Variants in FRY observed in about 807,000 individuals in gnomAD.
FRY encodes FRY microtubule binding protein.
A neutral mutation model predicts 348.4 loss-of-function variants in FRY; 128 were observed. That is an observed-to-expected ratio of 0.37 (90% confidence interval 0.32 to 0.43). The LOEUF is 0.43. FRY is among the 20% of genes least tolerant of loss of function. The pLI is 1.00. For missense variants in FRY, 2,736 were observed against 3,695.2 expected (o/e 0.74, Z 6.73); for synonymous variants, 1,370 against 1,374.7 (o/e 1.00, Z 0.08).
At chr13:32,247,299 C>A (rs763664704) in intron 47 of FRY, 24 bp from the exon 48 acceptor site, 1 of 1,585,740 alleles carries the variant, frequency 6.3e-7, no homozygotes, top group South Asian at 1.1e-5. Context: ...TATTTTTAAC[C>A]CTTGAATGTT....
intron 53 of FRY, among the ~76,000 whole-genome samples, chr13:32,263,992 G>A (rs996449222): frequency 6.6e-5 from 10 of 152,096 alleles, no homozygotes; most frequent in African/African-American, 2.4e-4. Context: ...GGGCGACAGA[G>A]CGAGACTCCA....
At chr13:32,164,922 A>G (rs1002731010) in intron 17 of FRY, among the ~76,000 whole-genome samples, 3 of 152,210 alleles carry the variant, frequency 2.0e-5, no homozygotes, top group African/African-American at 4.8e-5. Flanking sequence ...AGTGCTTTGC[A>G]TGCACCAAGG....
chr13:32,140,900 C>G (rs1174298726), intron 11 of FRY, among the ~76,000 whole-genome samples: 1 of 151,992 alleles, frequency 6.6e-6, no homozygotes, highest in Admixed American at 6.6e-5. Context: ...ATTAAGGATT[C>G]CACAATCATT....
intron 1 of FRY, among the ~76,000 whole-genome samples, chr13:32,038,060 T>A (rs527272442): frequency 2.0e-5 from 3 of 152,232 alleles, no homozygotes; most frequent in Non-Finnish European, 4.4e-5. Context: ...ACACATTACC[T>A]CATTTGACGA....
At chr13:32,236,207 T>C (rs1470721563) in intron 43 of FRY, 35 bp downstream of exon 43, 1 of 1,388,568 alleles carries the variant, frequency 7.2e-7, no homozygotes, top group African/African-American at 1.4e-5. Flanking sequence ...TGACATCAAG[T>C]ATACTGCACA....
chr13:32,084,889 A>AACAC lies in FRY; in HGVS notation c.270+5878_270+5881dup, dbSNP rs5802632. On this transcript the variant is annotated intron_variant, in intron 2 of 60. Transcript: ENST00000542859. ...GCATCTTGACACATACACACATGCA[A>AACAC]ACACACACACACACACACACACACA... 5.9e-3 allele frequency among the ~76,000 whole-genome samples: 880 copies of AACAC among 149,790 alleles called. 11 individuals are homozygous for AACAC. The highest frequency in any genetic ancestry group is 0.02 in the African/African-American group (796 of 40,674).
chr13:32,059,376 T>C (rs1220461230), intron 1 of FRY, among the ~76,000 whole-genome samples: 2 of 148,164 alleles, frequency 1.3e-5, no homozygotes, highest in African/African-American at 5.0e-5. Flanking sequence ...TGACCACTTT[T>C]GACAGAATTA....
At position 32,179,800 on chromosome 13, in the gene FRY, G is replaced by A; in HGVS notation, c.2996+1G>A. The A allele has an allele frequency of 6.2e-7, 1 of 1,613,172 alleles. No individual in the cohort carries two copies. Among genetic ancestry groups the A allele is most frequent in the Non-Finnish European group, 8.5e-7 (1 of 1,179,162 alleles). On this transcript the variant is annotated splice_donor_variant, in intron 23 of 60. Coordinates refer to ENST00000542859, the MANE Select transcript of FRY (RefSeq NM_023037.3). LOFTEE classifies it high-confidence loss of function. ...GAAGAACAAATTCCCTTGTTTTCAG[G>A]TACAGTAGTCTTAATGAGTTGTTCT...
chr13:32,217,457 T>C (rs1376673002), intron 35 of FRY, among the ~76,000 whole-genome samples: 1 of 152,196 alleles, frequency 6.6e-6, no homozygotes, highest in Non-Finnish European at 1.5e-5. Context: ...GACAGTGTCT[T>C]GCAGTTTTGG....
At chr13:32,232,562 C>T (rs1223663030) in intron 41 of FRY, among the ~76,000 whole-genome samples, 1 of 152,216 alleles carries the variant, frequency 6.6e-6, no homozygotes, top group Admixed American at 6.5e-5. Flanking sequence ...GCTTCAGGAC[C>T]CTCCAGCCTG....
At chr13:32,052,557 C>A (rs1355003689) in intron 1 of FRY, among the ~76,000 whole-genome samples, 2 of 152,144 alleles carry the variant, frequency 1.3e-5, no homozygotes, top group African/African-American at 4.8e-5. Context: ...AACATGTAAT[C>A]AGCATAACTA....
intron 3 of FRY, among the ~76,000 whole-genome samples, chr13:32,105,888 C>T (rs1342700876): frequency 1.3e-5 from 2 of 151,856 alleles, no homozygotes; most frequent in African/African-American, 4.8e-5. Context: ...GCCCTTTTTA[C>T]TCCTCTACCT....
At position 32,184,629 on chromosome 13, in the gene FRY, G is replaced by C. The variant is rs1423652803; in HGVS notation, c.3084G>C (p.Leu1028Phe). 9.3e-6 allele frequency: 15 copies of C among 1,613,536 alleles called. No individual in the cohort carries two copies. Among genetic ancestry groups the C allele is most frequent in the Non-Finnish European group, 1.3e-5 (15 of 1,179,512 alleles). The change falls in exon 25 of 61, where the codon TTG becomes TTC. Residue 1028 changes from leucine to phenylalanine, a missense_variant. By Grantham distance (22) the Leu-to-Phe change is conservative. Around this residue, in one of 9 missense-constraint regions of FRY, gnomAD observed 449 missense variants for 576.9 expected, o/e 0.78. Transcript: ENST00000542859. ...ENKKRRERRD[L>F]LRLQLLRIFE... The stretch of plus-strand genomic sequence containing the variant: ...AGAAACGCCGAGAACGGCGAGACTT[G>C]TTAAGGCTACAACTACTTCGAATTT...
chr13:32,248,826 A>G (rs1886932355), intron 48 of FRY, among the ~76,000 whole-genome samples: 1 of 152,198 alleles, frequency 6.6e-6, no homozygotes, highest in South Asian at 2.1e-4. Flanking sequence ...AAGAGGTACA[A>G]AAAAACATGC....
rs948065442 is a variant in FRY, at chr13:32,074,423, T to C, written c.71-4411T>C. On this transcript the variant is annotated intron_variant, in intron 1 of 60. Transcript: ENST00000542859. The stretch of plus-strand genomic sequence containing the variant: ...ATTCAATAATTAGAAACCTAATTAA[T>C]ATATAAAAGTAATGCTCTTCTCCTC... Among the ~76,000 whole-genome samples the C allele has an allele frequency of 1.1e-4, 16 of 152,182 alleles. No individual in the cohort carries two copies. The South Asian group carries it at 1.2e-3, about 12-fold the overall frequency.
At chr13:32,265,080 G>A (rs1887849317) in intron 53 of FRY, among the ~76,000 whole-genome samples, 1 of 152,192 alleles carries the variant, frequency 6.6e-6, no homozygotes, top group South Asian at 2.1e-4. Context: ...CCTGATATTA[G>A]ACAAGTCCCT....
chr13:32,206,680 A>G (rs1427428526), intron 31 of FRY, among the ~76,000 whole-genome samples: 1 of 152,230 alleles, frequency 6.6e-6, no homozygotes, highest in East Asian at 1.9e-4. Context: ...AGAGGCTCCT[A>G]TGAGTTGCAA....
intron 1 of FRY, among the ~76,000 whole-genome samples, chr13:32,035,821 C>T (rs1266037240): frequency 6.6e-6 from 1 of 152,200 alleles, no homozygotes; most frequent in Non-Finnish European, 1.5e-5. Flanking sequence ...ACTGAACAAT[C>T]TCTTTGCAGT....
intron 8 of FRY, among the ~76,000 whole-genome samples, chr13:32,133,920 C>T (rs1437583689): frequency 2.0e-5 from 3 of 151,932 alleles, no homozygotes; most frequent in African/African-American, 4.8e-5. Flanking sequence ...GCTGGGACTA[C>T]GGGTGCCGCC....
Sources: gnomAD v4.1 joint callset for allele counts (sites outside exome capture counted in the v4.1 genomes callset) on GRCh38, gnomAD v4.1.1 for gene constraint, gnomAD v4.1.1 regional missense constraint, MANE v1.5 for transcripts, NCBI Gene and HGNC (gene_info 2026-07-23, HGNC 2026-07-21) for gene names.